The following ZC3H6 variants were observed in gnomAD, a reference collection of about 807,000 sequenced individuals.
ZC3H6 encodes the protein zinc finger CCCH domain-containing protein 6.
In ZC3H6, 40 loss-of-function variants were observed where a neutral mutation model predicts 107.7. The ratio of observed to expected loss-of-function variants is 0.37; its 90% CI spans 0.29 to 0.48. The LOEUF (loss-of-function observed/expected upper bound fraction) is 0.48. Among genes scored for constraint, ZC3H6 ranks in the 20% least tolerant of loss-of-function variants. ZC3H6 has a pLI of 0.98. For missense variants in ZC3H6, 1,267 were observed against 1,410.4 expected, an observed-to-expected ratio of 0.90 and a Z score of 1.63; for synonymous variants, 493 against 487.9, an observed-to-expected ratio of 1.01 and a Z score of -0.14.
intron 1 of ZC3H6, 29 bp from the exon 2 acceptor site, chr2:112,299,820 A>G (rs1676333732): frequency 7.5e-7 from 1 of 1,337,802 alleles, no homozygotes; most frequent in Non-Finnish European, 9.7e-7. Context: ...TTAGAATGAT[A>G]TTTGAAAATT....
rs1248810246 is a variant in ZC3H6, at chr2:112,335,168, T to C, written c.*2680T>C. ...GTGAACCTTGAACACAAATCAGATG[T>C]TGGAGTGATTTCAAACTCTATTTCA... On this transcript the variant is annotated 3_prime_UTR_variant, in exon 12 of 12. Coordinates refer to ENST00000409871, the MANE Select transcript of ZC3H6 (RefSeq NM_198581.3). 1 of 152,234 alleles carries C rather than the reference T, an allele frequency of 6.6e-6. No homozygotes were observed. The highest frequency in any genetic ancestry group is 1.5e-5 in the Non-Finnish European group (1 of 68,030). 9.4% of individuals were successfully genotyped at this position (152,234 alleles called of 1,614,324 possible). A position where few individuals can be genotyped will look rare whatever the true frequency, so the allele number is the denominator to read the frequency against.
In ZC3H6 at chr2:112,332,297, C is replaced by G. The variant is rs943839543; in HGVS notation, c.3379C>G (p.Pro1127Ala). Residue 1127 changes from proline (P) to alanine (A), a missense_variant, in exon 12 of 12, where the codon CCA becomes GCA. Transcript: ENST00000409871. Reference sequence around the variant, plus strand: ...CAGGAGTTCTGGTAAGGTTCAGGTCCCAGCAGTGCACAGCCTTCCTGTTCA... The same window carrying G: ...CAGGAGTTCTGGTAAGGTTCAGGTCGCAGCAGTGCACAGCCTTCCTGTTCA... ...VPRSSGKVQV[P>A]AVHSLPVQAL... The G allele has an allele frequency of 2.5e-6, 4 of 1,613,766 alleles. No homozygotes were observed. The African/African-American group carries it at 4.0e-5, about 16-fold the overall frequency.
At chr2:112,279,587 C>T (rs1016739354) in intron 1 of ZC3H6, among the ~76,000 whole-genome samples, 2 of 152,030 alleles carry the variant, frequency 1.3e-5, no homozygotes, top group African/African-American at 4.8e-5. Flanking sequence ...CTGTCCTGTA[C>T]TACAAGAACA....
At chr2:112,325,782 G>A (rs1033277048) in intron 11 of ZC3H6, among the ~76,000 whole-genome samples, 21 of 151,882 alleles carry the variant, frequency 1.4e-4, no homozygotes, top group African/African-American at 5.1e-4. Context: ...TATGTCATAG[G>A]CTCTATAATT....
chr2:112,296,961 A>G (rs868121739), intron 1 of ZC3H6, among the ~76,000 whole-genome samples: 2 of 152,198 alleles, frequency 1.3e-5, no homozygotes, highest in Non-Finnish European at 2.9e-5. Flanking sequence ...CTTGTAGGAA[A>G]TGACATCTAA....
chr2:112,318,774 G>A (rs1157168292), intron 7 of ZC3H6, among the ~76,000 whole-genome samples: 1 of 152,058 alleles, frequency 6.6e-6, no homozygotes, highest in East Asian at 1.9e-4. Context: ...AATAGACCTG[G>A]GCAGTGATTA....
intron 5 of ZC3H6, among the ~76,000 whole-genome samples, chr2:112,313,453 G>A (rs1251861626): frequency 8.5e-5 from 13 of 152,124 alleles, no homozygotes; most frequent in Non-Finnish European, 1.9e-4. Context: ...CCAGGAAAGT[G>A]TGACTTTGAG....
At position 112,324,650 on chromosome 2, in the gene ZC3H6, C is replaced by G; in HGVS notation, c.1839C>G (p.Pro613=). 1 of 1,595,532 alleles carries G rather than the reference C, an allele frequency of 6.3e-7. No homozygotes were observed. The highest frequency in any genetic ancestry group is 8.5e-7 in the Non-Finnish European group (1 of 1,170,882). The stretch of plus-strand genomic sequence containing the variant: ...ATTCTATACATAATTTTCAGCCACC[C>G]AATAACTCTGGTGGTAAGTTTACTT... ...AQHSIHNFQP[P]NNSGDGMWHG... is the part of the protein sequence containing the mutation. The change falls in exon 10 of 12, where the codon CCC becomes CCG. Residue 613 remains proline, a synonymous_variant. Coordinates refer to ENST00000409871, the MANE Select transcript of ZC3H6 (RefSeq NM_198581.3).
intron 1 of ZC3H6, among the ~76,000 whole-genome samples, chr2:112,290,721 C>T (rs1262826337): frequency 1.3e-5 from 2 of 151,702 alleles, no homozygotes; most frequent in African/African-American, 4.9e-5. Context: ...ATTATGGCTG[C>T]AGATATTTTG....
intron 7 of ZC3H6, among the ~76,000 whole-genome samples, chr2:112,321,290 A>G (rs1004220457): frequency 6.6e-6 from 1 of 151,966 alleles, no homozygotes; most frequent in Non-Finnish European, 1.5e-5. Context: ...AAATTTATAT[A>G]ATATTTTATT....
chr2:112,285,593 A>G (rs1304742463), intron 1 of ZC3H6, among the ~76,000 whole-genome samples: 1 of 151,830 alleles, frequency 6.6e-6, no homozygotes, highest in Non-Finnish European at 1.5e-5. Flanking sequence ...CCCAACCTCA[A>G]GGGATCTGCT....
In ZC3H6 at chr2:112,276,041, T is replaced by A; in HGVS notation, c.32+15T>A. Reference sequence around the variant, plus strand: ...GGGCACGACAGGTCGGGAACCCTTCTTGTCTGTCTTTCTGTCGGATGAGAG... The same window carrying A: ...GGGCACGACAGGTCGGGAACCCTTCATGTCTGTCTTTCTGTCGGATGAGAG... On this transcript the variant is annotated intron_variant, in intron 1 of 11. Coordinates refer to ENST00000409871, the MANE Select transcript of ZC3H6 (RefSeq NM_198581.3). 1 of 1,539,910 alleles carries A rather than the reference T, an allele frequency of 6.5e-7. No individual in the cohort carries two copies. Among genetic ancestry groups the A allele is most frequent in the Non-Finnish European group, 8.8e-7 (1 of 1,142,080 alleles).
intron 4 of ZC3H6, 64 bp downstream of exon 4, chr2:112,310,225 G>C: frequency 1.3e-6 from 2 of 1,485,348 alleles, no homozygotes; most frequent in Non-Finnish European, 1.8e-6. Context: ...CAGCTATGGA[G>C]TAAAAACTTA....
Position 112,317,292 on chromosome 2 carries a change from A to G in ZC3H6, c.936A>G (p.Gln312=), listed in dbSNP as rs201547846. ...KRKEICKFYL[Q]GYCTKGENCI... The stretch of plus-strand genomic sequence containing the variant: ...AAGAGATCTGCAAATTTTATTTACA[A>G]GGATATTGTACCAAAGGAGAGAACT... The change falls in exon 7 of 12, where the codon CAA becomes CAG. Residue 312 remains glutamine (Q), a synonymous_variant. Transcript: ENST00000409871. The G allele has an allele frequency of 2.3e-4, 371 of 1,587,004 alleles. 1 individual carries two copies. In the African/African-American group the frequency reaches 3.2e-3, roughly 14 times the overall value.
chr2:112,288,462 A>G (rs1210685094), intron 1 of ZC3H6, among the ~76,000 whole-genome samples: 7 of 152,312 alleles, frequency 4.6e-5, no homozygotes, highest in African/African-American at 1.7e-4. Flanking sequence ...CTTTATCTCA[A>G]TCCTTAAACA....
rs1677027624 is a variant in ZC3H6, at chr2:112,331,311, C to T, written c.2393C>T (p.Ser798Phe). The change falls in exon 12 of 12, where the codon TCT (serine) becomes TTT (phenylalanine). Residue 798 changes from serine to phenylalanine, a missense_variant. Around this residue, in one of 3 missense-constraint regions of ZC3H6, gnomAD observed 925 missense variants for 1,025.7 expected, o/e 0.90. Coordinates refer to ENST00000409871, the MANE Select transcript of ZC3H6 (RefSeq NM_198581.3). ...LRGNGSGHIG[S>F]SVGGAKFDLH... ...GGGAATGGAAGTGGTCACATAGGCT[C>T]TTCTGTTGGTGGAGCAAAGTTTGAT... The T allele has an allele frequency of 1.9e-6, 3 of 1,613,634 alleles. No individual in the cohort carries two copies. Among genetic ancestry groups the T allele is most frequent in the South Asian group, 2.2e-5 (2 of 91,088 alleles).
intron 1 of ZC3H6, among the ~76,000 whole-genome samples, chr2:112,277,423 C>T (rs907841247): frequency 6.6e-6 from 1 of 151,606 alleles, no homozygotes; most frequent in African/African-American, 2.4e-5. Context: ...AATATCTGTT[C>T]CCCTCTCTTA....
intron 1 of ZC3H6, among the ~76,000 whole-genome samples, chr2:112,282,829 G>A (rs576993175): frequency 1.3e-5 from 2 of 152,250 alleles, no homozygotes; most frequent in Non-Finnish European, 2.9e-5. Context: ...AAATGGCATC[G>A]GCGCTGATAA....
intron 1 of ZC3H6, among the ~76,000 whole-genome samples, chr2:112,278,209 T>C (rs1686462511): frequency 6.6e-6 from 1 of 152,266 alleles, no homozygotes; most frequent in Non-Finnish European, 1.5e-5. Flanking sequence ...ACTGTATCTT[T>C]CCATATAATA....
Sources: gnomAD v4.1 joint callset for allele counts (sites outside exome capture counted in the v4.1 genomes callset) on GRCh38, gnomAD v4.1.1 for gene constraint, gnomAD v4.1.1 regional missense constraint, MANE v1.5 for transcripts, NCBI Gene and HGNC (gene_info 2026-07-23, HGNC 2026-07-21) for gene names.